CSMD1: variants seen among roughly 807,000 people sequenced by gnomAD.
CSMD1 encodes CUB and Sushi multiple domains 1.
Under a neutral mutation model 417.5 loss-of-function variants are expected in CSMD1, and 213 were observed. The observed-to-expected ratio is 0.51, with a 90% CI of 0.46 to 0.57. The LOEUF is 0.57. Ranked by LOEUF, CSMD1 falls within the 20% of genes least tolerant of loss-of-function variation. The pLI is 0.00. For synonymous variants in CSMD1, 2,862 were observed against 1,736.8 expected, an observed-to-expected ratio of 1.65 and a Z score of -16.11; for missense variants, 6,923 against 4,529.7, an observed-to-expected ratio of 1.53 and a Z score of -15.17.
intron 10 of CSMD1, among the ~76,000 whole-genome samples, chr8:3,566,742 C>T (rs753699357): frequency 2.0e-5 from 3 of 152,072 alleles, no homozygotes; most frequent in Non-Finnish European, 4.4e-5. Context: ...CATCTCACAC[C>T]AGTTGGAATG....
intron 20 of CSMD1, among the ~76,000 whole-genome samples, chr8:3,361,603 G>A (rs1809178104): frequency 8.0e-6 from 1 of 125,778 alleles, no homozygotes; most frequent in Admixed American, 1.0e-4. Flanking sequence ...AGTGAGCTGA[G>A]ATTGCACCAC....
intron 1 of CSMD1, among the ~76,000 whole-genome samples, chr8:4,818,277 T>C (rs1338785936): frequency 6.6e-6 from 1 of 152,128 alleles, no homozygotes; most frequent in African/African-American, 2.4e-5. Flanking sequence ...GTCACCCCGA[T>C]TTAGTCTAGA....
chr8:4,915,348 A>G (rs1243715399), intron 1 of CSMD1, among the ~76,000 whole-genome samples: 2 of 152,332 alleles, frequency 1.3e-5, no homozygotes, highest in Admixed American at 6.5e-5. Context: ...AACTCTTGCT[A>G]AAGTAGATTA....
intron 2 of CSMD1, among the ~76,000 whole-genome samples, chr8:4,503,460 G>T (rs969413370): frequency 6.6e-6 from 1 of 152,010 alleles, no homozygotes; most frequent in Non-Finnish European, 1.5e-5. Context: ...AATAAATTTA[G>T]AAAAAGATAC....
intron 3 of CSMD1, among the ~76,000 whole-genome samples, chr8:4,311,156 C>A (rs771334379): frequency 1.3e-5 from 2 of 152,124 alleles, no homozygotes; most frequent in Non-Finnish European, 2.9e-5. Flanking sequence ...TGGCTGTAAG[C>A]CCAGTGGAAT....
rs1585018799 is a variant in CSMD1 at position 3,650,559 on chromosome 8, T to C, written c.1010-33762A>G. Among the ~76,000 whole-genome samples the C allele has an allele frequency of 1.3e-5, 2 of 152,168 alleles. 1 individual carries two copies. Among genetic ancestry groups the C allele is most frequent in the South Asian group, 4.1e-4 (2 of 4,830 alleles). On this transcript the variant is annotated intron_variant, in intron 7 of 69. Transcript: ENST00000635120. ...CCTTTCCTTGAATCTGTTATGTTAT[T>C]ACAGATTGTATACTGCTAGTTATTC...
At chr8:3,709,262 T>C (rs1801355022) in intron 6 of CSMD1, among the ~76,000 whole-genome samples, 1 of 151,876 alleles carries the variant, frequency 6.6e-6, no homozygotes. Context: ...CTTTACTAAG[T>C]GCCCAGTGGA....
intron 21 of CSMD1, among the ~76,000 whole-genome samples, chr8:3,357,636 CTG>C (rs1331177408): frequency 6.6e-6 from 1 of 152,174 alleles, no homozygotes; most frequent in African/African-American, 2.4e-5. Context: ...AGACTACTGA[CTG>C]TTACATATCT....
chr8:4,253,453 C>T (rs371302234), intron 3 of CSMD1, among the ~76,000 whole-genome samples: 22 of 152,006 alleles, frequency 1.4e-4, no homozygotes, highest in Admixed American at 5.2e-4. Flanking sequence ...CATATCAGGA[C>T]CTAATAAACA....
chr8:3,281,955 C>G (rs78534224), intron 26 of CSMD1, among the ~76,000 whole-genome samples: 1 of 152,070 alleles, frequency 6.6e-6, no homozygotes. Flanking sequence ...TAGCACCTTC[C>G]GCTTCACTCT....
In CSMD1 at chr8:4,714,885, G is replaced by C. The variant is rs373298330; in HGVS notation, c.86-77327C>G. Reference sequence around the variant, plus strand: ...GAAGAAAAAAATCTGTATACCTTTAGAATAATTGTATAATTTGACTATGAT... The same window carrying C: ...GAAGAAAAAAATCTGTATACCTTTACAATAATTGTATAATTTGACTATGAT... On this transcript the variant is annotated intron_variant, in intron 1 of 69. Transcript: ENST00000635120. Among the ~76,000 whole-genome samples the C allele has an allele frequency of 2.0e-5, 3 of 152,144 alleles. No individual in the cohort carries two copies. The East Asian group carries it at 5.8e-4, about 29-fold the overall frequency.
chr8:3,572,959 G>A (rs1800004184), intron 10 of CSMD1, among the ~76,000 whole-genome samples: 1 of 152,104 alleles, frequency 6.6e-6, no homozygotes. Flanking sequence ...GTGTGTAAAT[G>A]CAGAAATTAG....
chr8:3,651,707 C>A (rs1797865938), intron 7 of CSMD1, among the ~76,000 whole-genome samples: 1 of 152,012 alleles, frequency 6.6e-6, no homozygotes, highest in Non-Finnish European at 1.5e-5. Flanking sequence ...CGCTTACCAC[C>A]ATCACAGTGC....
chr8:3,505,724 G>C (rs944174287), intron 10 of CSMD1, among the ~76,000 whole-genome samples: 1 of 152,148 alleles, frequency 6.6e-6, no homozygotes, highest in African/African-American at 2.4e-5. Flanking sequence ...GGATAGAAGG[G>C]AAAACGATGT....
At chr8:4,011,389 T>C (rs772078436) in intron 4 of CSMD1, among the ~76,000 whole-genome samples, 1 of 152,222 alleles carries the variant, frequency 6.6e-6, no homozygotes, top group Non-Finnish European at 1.5e-5. Context: ...GCTTCCAGAC[T>C]CCACATTCCC....
chr8:4,326,093 G>T (rs188456795), intron 3 of CSMD1, among the ~76,000 whole-genome samples: 105 of 152,314 alleles, frequency 6.9e-4, no homozygotes, highest in Admixed American at 1.6e-3. Flanking sequence ...CCAGAACGGA[G>T]TGGTAAATCA....
chr8:4,425,303 G>T (rs908579013), intron 2 of CSMD1, among the ~76,000 whole-genome samples: 11 of 150,646 alleles, frequency 7.3e-5, no homozygotes, highest in African/African-American at 2.7e-4. Flanking sequence ...TAATATGGAC[G>T]TATGTAGGGA....
intron 1 of CSMD1, among the ~76,000 whole-genome samples, chr8:4,700,122 T>A (rs1807429252): frequency 6.6e-6 from 1 of 152,148 alleles, no homozygotes; most frequent in Admixed American, 6.5e-5. Context: ...AGTGGTGAAC[T>A]TTTTGTTTAA....
At chr8:3,600,471 A>G (rs1470336250) in intron 8 of CSMD1, among the ~76,000 whole-genome samples, 3 of 152,362 alleles carry the variant, frequency 2.0e-5, no homozygotes, top group African/African-American at 7.2e-5. Context: ...TATCAGAATC[A>G]TTCAGGGTTG....
Sources: allele counts gnomAD v4.1 joint callset (sites outside exome capture counted in the v4.1 genomes callset), GRCh38; gene constraint gnomAD v4.1.1; transcripts MANE v1.5; gene names NCBI Gene and HGNC (gene_info 2026-07-23, HGNC 2026-07-21).